VAV3: variants seen among roughly 807,000 people sequenced by gnomAD.
VAV3 encodes the protein guanine nucleotide exchange factor VAV3.
In VAV3, 94 loss-of-function variants were observed where a neutral mutation model predicts 131.2. The ratio of observed to expected loss-of-function variants is 0.72; its 90% CI spans 0.61 to 0.85. The LOEUF (loss-of-function observed/expected upper bound fraction) is 0.85, where lower values mean the gene tolerates loss of function less well. VAV3 is among the 40% of genes least tolerant of loss of function. The pLI is 0.00. For synonymous variants in VAV3, 349 were observed against 342.0 expected, an observed-to-expected ratio of 1.02 and a Z score of -0.22; for missense variants, 939 against 1,002.7, an observed-to-expected ratio of 0.94 and a Z score of 0.86.
At chr1:107,635,262 G>A (rs940675128) in intron 20 of VAV3, among the ~76,000 whole-genome samples, 35 of 152,150 alleles carry the variant, frequency 2.3e-4, no homozygotes, top group Admixed American at 2.0e-3. Context: ...AAATGTAGCA[G>A]ATATACACCA....
intron 20 of VAV3, among the ~76,000 whole-genome samples, chr1:107,636,946 G>A (rs1369948019): frequency 6.6e-6 from 1 of 151,974 alleles, no homozygotes; most frequent in African/African-American, 2.4e-5. Flanking sequence ...AGCAAAAGAA[G>A]AGCAAATTAA....
intron 1 of VAV3, among the ~76,000 whole-genome samples, chr1:107,880,566 T>C (rs1170548546): frequency 2.0e-5 from 3 of 152,018 alleles, no homozygotes; most frequent in Admixed American, 6.6e-5. Flanking sequence ...GAGGCCGAGG[T>C]GGGCAGATCA....
chr1:107,689,337 T>G (rs1221422934), intron 17 of VAV3, among the ~76,000 whole-genome samples: 1 of 151,890 alleles, frequency 6.6e-6, no homozygotes, highest in African/African-American at 2.4e-5. Flanking sequence ...AGAGCAGGCC[T>G]AAGTGGGAGC....
At chr1:107,788,318 C>T (rs923776616) in intron 2 of VAV3, among the ~76,000 whole-genome samples, 3 of 151,998 alleles carry the variant, frequency 2.0e-5, no homozygotes, top group South Asian at 2.1e-4. Flanking sequence ...TCAGAGAAGT[C>T]CCCAGGAGCT....
intron 24 of VAV3, among the ~76,000 whole-genome samples, chr1:107,596,561 G>C (rs1406540055): frequency 1.3e-5 from 2 of 151,750 alleles, no homozygotes; most frequent in African/African-American, 2.4e-5. Flanking sequence ...AATAATATGA[G>C]TTACCCCCTA....
At chr1:107,739,834 C>T (rs1017497308) in intron 15 of VAV3, among the ~76,000 whole-genome samples, 1 of 152,224 alleles carries the variant, frequency 6.6e-6, no homozygotes, top group African/African-American at 2.4e-5. Flanking sequence ...AAGGCTCCCC[C>T]TCTGGCCAAC....
At chr1:107,656,215 T>C (rs1414982607) in intron 19 of VAV3, among the ~76,000 whole-genome samples, 4 of 152,078 alleles carry the variant, frequency 2.6e-5, no homozygotes, top group Admixed American at 1.3e-4. Context: ...TGTCCATCAA[T>C]GGATGGGTGG....
intron 20 of VAV3, among the ~76,000 whole-genome samples, chr1:107,624,536 T>A (rs1452017817): frequency 6.6e-6 from 1 of 151,982 alleles, no homozygotes; most frequent in Admixed American, 6.6e-5. Flanking sequence ...AGAATCAGGT[T>A]CTACCATATC....
chr1:107,955,721 A>C lies in VAV3; in HGVS notation c.204+8945T>G, dbSNP rs183720497. Among the ~76,000 whole-genome samples, 5 of 147,364 alleles carry C rather than the reference A, an allele frequency of 3.4e-5. No individual in the cohort carries two copies. The East Asian group carries it at 9.9e-4, about 29-fold the overall frequency. On this transcript the variant is annotated intron_variant, in intron 1 of 26. Coordinates refer to ENST00000370056, the MANE Select transcript of VAV3 (RefSeq NM_006113.5). ...ACAGCACAGAGACATTTAACAGCAT[A>C]GTCTTCAAGAAACTGCAAGAAGGTC...
intron 1 of VAV3, among the ~76,000 whole-genome samples, chr1:107,890,047 T>C (rs1671239665): frequency 6.6e-6 from 1 of 152,108 alleles, no homozygotes; most frequent in African/African-American, 2.4e-5. Context: ...TACTCCAGAT[T>C]TTAGCTCTGC....
chr1:107,878,603 T>C (rs1350321101), intron 1 of VAV3, among the ~76,000 whole-genome samples: 1 of 152,210 alleles, frequency 6.6e-6, no homozygotes, highest in Non-Finnish European at 1.5e-5. Flanking sequence ...TAAATCTAGA[T>C]TCAAATTAAA....
chr1:107,759,708 G>A (rs931890195), intron 10 of VAV3, among the ~76,000 whole-genome samples: 3 of 152,028 alleles, frequency 2.0e-5, no homozygotes, highest in Non-Finnish European at 4.4e-5. Flanking sequence ...TTTCAAAAAA[G>A]TATAGTTGTA....
chr1:107,686,985 C>A (rs1659076495), intron 18 of VAV3, among the ~76,000 whole-genome samples: 1 of 151,978 alleles, frequency 6.6e-6, no homozygotes, highest in Non-Finnish European at 1.5e-5. Flanking sequence ...CAGAACTCTA[C>A]AAGGTTTCTT....
chr1:107,604,256 C>T (rs1652093005), intron 22 of VAV3, among the ~76,000 whole-genome samples: 1 of 152,056 alleles, frequency 6.6e-6, no homozygotes, highest in Non-Finnish European at 1.5e-5. Context: ...TAAACATCCA[C>T]CTGTAATGCA....
intron 19 of VAV3, among the ~76,000 whole-genome samples, chr1:107,659,279 GA>G (rs564640292): frequency 2.2e-4 from 32 of 146,876 alleles, no homozygotes; most frequent in Admixed American, 1.3e-3. Context: ...CCATCTTTCA[GA>G]AAAAAAAAAG....
intron 20 of VAV3, among the ~76,000 whole-genome samples, chr1:107,630,689 GA>G (rs1441127561): frequency 6.6e-6 from 1 of 152,066 alleles, no homozygotes; most frequent in Non-Finnish European, 1.5e-5. Context: ...CCCAGTGGGG[GA>G]GTCACATATT....
intron 1 of VAV3, among the ~76,000 whole-genome samples, chr1:107,885,011 A>C (rs1234447914): frequency 6.6e-6 from 1 of 152,154 alleles, no homozygotes; most frequent in Non-Finnish European, 1.5e-5. Context: ...TTGGAATAGC[A>C]GTGGTGGTCG....
intron 2 of VAV3, among the ~76,000 whole-genome samples, chr1:107,804,225 A>G (rs1666957289): frequency 6.6e-6 from 1 of 152,054 alleles, no homozygotes; most frequent in Non-Finnish European, 1.5e-5. Context: ...GGAGAACTGC[A>G]TCTGTTTATA....
intron 19 of VAV3, among the ~76,000 whole-genome samples, chr1:107,678,574 TG>T (rs1658382042): frequency 6.6e-6 from 1 of 152,154 alleles, no homozygotes; most frequent in South Asian, 2.1e-4. Context: ...ATTTCTCTAT[TG>T]AACATATTGA....
Sources: gnomAD v4.1 joint callset for allele counts (sites outside exome capture counted in the v4.1 genomes callset) on GRCh38, gnomAD v4.1.1 for gene constraint, MANE v1.5 for transcripts, NCBI Gene and HGNC (gene_info 2026-07-23, HGNC 2026-07-21) for gene names.